Variants in FAM227B observed in about 807,000 individuals in gnomAD.
FAM227B encodes protein FAM227B.
A neutral mutation model predicts 73.8 loss-of-function variants in FAM227B; 88 were observed. The observed-to-expected ratio is 1.19, with a 90% confidence interval of 1.00 to 1.42. The LOEUF is 1.42. Ranked by LOEUF, FAM227B falls within the 40% of genes most tolerant of loss-of-function variation. The pLI, the probability that FAM227B is intolerant of heterozygous loss-of-function variation, is 0.00. For synonymous variants in FAM227B, 210 were observed against 190.5 expected, an observed-to-expected ratio of 1.10 and a Z score of -0.84; for missense variants, 632 against 590.9, an observed-to-expected ratio of 1.07 and a Z score of -0.72.
chr15:49,620,715 A>G lies in FAM227B; in HGVS notation c.-88T>C, dbSNP rs961948298. The G allele has an allele frequency of 9.2e-5, 14 of 152,224 alleles. No homozygotes were observed. The highest frequency in any genetic ancestry group is 1.9e-4 in the Non-Finnish European group (13 of 68,038). The allele number at this position is 152,224 out of a possible 1,614,324, so 9.4% of individuals were successfully genotyped here. A position where few individuals can be genotyped will look rare whatever the true frequency, so the allele number is the denominator to read the frequency against. ...CACAACTCACTGCAACTACGCCTTG[A>G]CAGTATGTTTCGAGAACCGCTTCCC... On this transcript the variant is annotated 5_prime_UTR_variant, in exon 1 of 16. Coordinates refer to ENST00000299338, the MANE Select transcript of FAM227B (RefSeq NM_152647.3).
At chr15:49,417,994 T>C (rs1440089859) in intron 11 of FAM227B, among the ~76,000 whole-genome samples, 2 of 152,096 alleles carry the variant, frequency 1.3e-5, no homozygotes, top group African/African-American at 2.4e-5. Context: ...AACAGCCCCA[T>C]TAAAAAGTGG....
chr15:49,336,865 C>G (rs1453695932), intron 13 of FAM227B, among the ~76,000 whole-genome samples: 1 of 152,158 alleles, frequency 6.6e-6, no homozygotes, highest in East Asian at 1.9e-4. Context: ...CCTCCCTTCC[C>G]TTCTCTTACA....
At chr15:49,410,456 T>C (rs145621552) in intron 11 of FAM227B, among the ~76,000 whole-genome samples, 82 of 152,278 alleles carry the variant, frequency 5.4e-4, no homozygotes, top group African/African-American at 1.7e-3. Context: ...TCTAATGTTT[T>C]TGTCTTCTTT....
intron 3 of FAM227B, among the ~76,000 whole-genome samples, chr15:49,608,015 C>A (rs1349019597): frequency 6.6e-6 from 1 of 152,168 alleles, no homozygotes; most frequent in Non-Finnish European, 1.5e-5. Context: ...TAGCAGCTAA[C>A]AGGCAGATTA....
chr15:49,482,851 T>G (rs1295106149), intron 11 of FAM227B, among the ~76,000 whole-genome samples: 1 of 152,014 alleles, frequency 6.6e-6, no homozygotes, highest in South Asian at 2.1e-4. Flanking sequence ...ATTATTATTA[T>G]AGTAAATTAG....
At chr15:49,472,655 C>T (rs921987612) in intron 11 of FAM227B, among the ~76,000 whole-genome samples, 2 of 152,110 alleles carry the variant, frequency 1.3e-5, no homozygotes, top group Non-Finnish European at 2.9e-5. Context: ...AAGGAATGAA[C>T]ATCACAATGA....
chr15:49,351,348 C>A (rs924460447), intron 13 of FAM227B, among the ~76,000 whole-genome samples: 1 of 152,124 alleles, frequency 6.6e-6, no homozygotes, highest in South Asian at 2.1e-4. Context: ...CTGGAAGATA[C>A]GGAAAGAAGA....
chr15:49,616,979 T>C (rs1318061023), intron 1 of FAM227B, among the ~76,000 whole-genome samples: 1 of 152,208 alleles, frequency 6.6e-6, no homozygotes, highest in African/African-American at 2.4e-5. Flanking sequence ...TTTGGCCTTG[T>C]TGCTTTTCTT....
intron 3 of FAM227B, among the ~76,000 whole-genome samples, chr15:49,597,840 A>T (rs905704354): frequency 6.6e-6 from 1 of 152,068 alleles, no homozygotes; most frequent in African/African-American, 2.4e-5. Flanking sequence ...GCTACTGTGA[A>T]CATCTTCACA....
chr15:49,454,636 G>C (rs2151900574), intron 11 of FAM227B, among the ~76,000 whole-genome samples: 1 of 152,176 alleles, frequency 6.6e-6, no homozygotes, highest in Admixed American at 6.5e-5. Flanking sequence ...TTGAGACGAA[G>C]TCTCGCTCTG....
intron 13 of FAM227B, among the ~76,000 whole-genome samples, chr15:49,358,822 A>G (rs2043652543): frequency 6.6e-6 from 1 of 152,060 alleles, no homozygotes; most frequent in Admixed American, 6.6e-5. Context: ...ACATCACACT[A>G]CCTGACTTCA....
chr15:49,355,109 C>A (rs2042915429), intron 13 of FAM227B, among the ~76,000 whole-genome samples: 2 of 150,876 alleles, frequency 1.3e-5, no homozygotes, highest in South Asian at 2.1e-4. Flanking sequence ...TCATCAAAGA[C>A]CAAAAGTAGA....
At chr15:49,365,349 T>C in intron 13 of FAM227B, 3 of 1,525,330 alleles carry the variant, frequency 2.0e-6, no homozygotes, top group East Asian at 2.2e-5. Context: ...ATCATGCCAA[T>C]AGCATAGGCA....
chr15:49,540,453 AC>A (rs2070903244), intron 10 of FAM227B, among the ~76,000 whole-genome samples: 1 of 151,818 alleles, frequency 6.6e-6, no homozygotes, highest in Non-Finnish European at 1.5e-5. Flanking sequence ...TTGACTCTTA[AC>A]CCCTTCTAGG....
At chr15:49,377,073 AT>A (rs2046214844) in intron 11 of FAM227B, among the ~76,000 whole-genome samples, 2 of 151,884 alleles carry the variant, frequency 1.3e-5, no homozygotes, top group Non-Finnish European at 2.9e-5. Context: ...TCTAGTCTCT[AT>A]GTCCATGAGT....
chr15:49,572,808 T>C (rs2075200743), intron 8 of FAM227B, among the ~76,000 whole-genome samples: 1 of 152,088 alleles, frequency 6.6e-6, no homozygotes, highest in African/African-American at 2.4e-5. Flanking sequence ...TTTTGTTTCT[T>C]CTATGGTCAC....
intron 11 of FAM227B, among the ~76,000 whole-genome samples, chr15:49,456,729 C>A (rs1373370110): frequency 6.6e-6 from 1 of 151,908 alleles, no homozygotes; most frequent in East Asian, 1.9e-4. Context: ...GGGAAAGGAT[C>A]AGGGAAGGAA....
chr15:49,532,925 G>GGCCA (rs2060718877), intron 10 of FAM227B, among the ~76,000 whole-genome samples: 1 of 151,812 alleles, frequency 6.6e-6, no homozygotes, highest in Admixed American at 6.6e-5. Context: ...GCTAGCATAT[G>GGCCA]GCCACTTGTA....
chr15:49,424,327 G>C, intron 11 of FAM227B: 1 of 1,613,558 alleles, frequency 6.2e-7, no homozygotes, highest in Non-Finnish European at 8.5e-7. Context: ...CATGGATCCT[G>C]CCAACTTTGC....
Sources: gnomAD v4.1 joint callset for allele counts (sites outside exome capture counted in the v4.1 genomes callset) on GRCh38, gnomAD v4.1.1 for gene constraint, MANE v1.5 for transcripts, NCBI Gene and HGNC (gene_info 2026-07-23, HGNC 2026-07-21) for gene names.